The following APLP2 variants were observed in gnomAD, a reference collection of about 807,000 sequenced individuals.
APLP2 encodes CDEI box-binding protein.
A neutral mutation model predicts 89.9 loss-of-function variants in APLP2; 53 were observed. The ratio of observed to expected loss-of-function variants is 0.59; its 90% confidence interval spans 0.47 to 0.74. The LOEUF (loss-of-function observed/expected upper bound fraction) is 0.74. Among genes scored for constraint, APLP2 ranks in the 30% least tolerant of loss-of-function variants. APLP2 has a pLI of 0.00. For synonymous variants in APLP2, 372 were observed against 348.6 expected (o/e 1.07, Z -0.75); for missense variants, 973 against 975.9 (o/e 1.00, Z 0.04).
intron 13 of APLP2, 60 bp downstream of exon 13, chr11:130,135,775 G>A: frequency 1.3e-6 from 2 of 1,595,142 alleles, no homozygotes; most frequent in Non-Finnish European, 1.7e-6. Context: ...TGAGAGAATT[G>A]AAGTCAGTTT....
chr11:130,098,293 T>C (rs1187197252), intron 1 of APLP2, among the ~76,000 whole-genome samples: 1 of 151,610 alleles, frequency 6.6e-6, no homozygotes, highest in Non-Finnish European at 1.5e-5. Flanking sequence ...TAATCCCAGC[T>C]ACTTGGGAGG....
chr11:130,089,766 G>A (rs1364752882), intron 1 of APLP2, among the ~76,000 whole-genome samples: 1 of 152,234 alleles, frequency 6.6e-6, no homozygotes, highest in Non-Finnish European at 1.5e-5. Flanking sequence ...CCTGTTCCAG[G>A]CCTCGCTCTT....
Position 130,123,679 on chromosome 11 carries a change from C to A in APLP2, c.990C>A (p.Leu330=). Residue 330 remains leucine, a synonymous_variant, in exon 7 of 17, where the codon CTC becomes CTA. Coordinates refer to ENST00000338167, the MANE Select transcript of APLP2 (RefSeq NM_001142276.2). This position sits in a 1 kb window ranked among gnomAD's most constrained non-coding sequence, Gnocchi z 4.0. ...RAVMPRWYFD[L]SKGKCVRFIY... is the part of the protein sequence containing the mutation. ...TGATGCCTCGTTGGTACTTCGACCT[C>A]TCCAAGGGAAAGTGCGTGCGCTTTA... 1 of 1,614,294 alleles carries A rather than the reference C, an allele frequency of 6.2e-7. No individual in the cohort carries two copies. Among genetic ancestry groups the A allele is most frequent in the Non-Finnish European group, 8.5e-7 (1 of 1,180,052 alleles).
At chr11:130,121,464 ATT>A in intron 4 of APLP2, 148 bp from the exon 5 acceptor site, 1 of 992,486 alleles carries the variant, frequency 1.0e-6, no homozygotes, top group African/African-American at 1.7e-5. Context: ...TATTATTACA[ATT>A]TTTTTTTGAC....
chr11:130,093,521 AAAAG>A (rs1156354548), intron 1 of APLP2, among the ~76,000 whole-genome samples: 2 of 152,226 alleles, frequency 1.3e-5, no homozygotes, highest in Non-Finnish European at 2.9e-5. Context: ...GGAGAAAACA[AAAAG>A]AAACTAGAAA....
Position 130,133,632 on chromosome 11 carries a change from A to G in APLP2, c.1588A>G (p.Met530Val), listed in dbSNP as rs551299879. 179 of 1,613,548 alleles carry G rather than the reference A, an allele frequency of 1.1e-4. 3 individuals are homozygous for G. The South Asian group carries it at 1.9e-3, about 17-fold the overall frequency. ...EKAAQMKSQV[M>V]THLHVIEERR... is the part of the protein sequence containing the mutation. The stretch of plus-strand genomic sequence containing the variant: ...TCCACCATAACTCTGCTTCCAGGTG[A>G]TGACACATCTCCACGTGATTGAAGA... Residue 530 changes from methionine to valine, a missense_variant, in exon 12 of 17, where the codon ATG becomes GTG. Coordinates refer to ENST00000338167, the MANE Select transcript of APLP2 (RefSeq NM_001142276.2).
rs746653068 is a variant in APLP2, at chr11:130,141,577, G to A, written c.1998+5G>A. 10 of 1,613,010 alleles carry A rather than the reference G, an allele frequency of 6.2e-6. No individual in the cohort carries two copies. Among genetic ancestry groups the A allele is most frequent in the East Asian group, 2.2e-5 (1 of 44,846 alleles). ...GGAGGCCTCGAGGAAGAGCGGGTAC[G>A]TGTTTAGCTCCAGAACCTAAGGTTT... is the stretch of plus-strand genomic sequence containing the variant. On this transcript the variant is annotated splice_donor_5th_base_variant and intron_variant, in intron 15 of 16. Coordinates refer to ENST00000338167, the MANE Select transcript of APLP2 (RefSeq NM_001142276.2). This position sits in a 1 kb window ranked among gnomAD's most constrained non-coding sequence, Gnocchi z 4.2.
At chr11:130,081,197 C>T (rs1333529063) in intron 1 of APLP2, among the ~76,000 whole-genome samples, 2 of 152,118 alleles carry the variant, frequency 1.3e-5, no homozygotes, top group African/African-American at 4.8e-5. Flanking sequence ...CAGGTCATTA[C>T]ATATTTTGTA....
At chr11:130,080,718 A>G (rs1454469155) in intron 1 of APLP2, among the ~76,000 whole-genome samples, 2 of 129,978 alleles carry the variant, frequency 1.5e-5, no homozygotes, top group Admixed American at 8.2e-5. Context: ...TTTTTTTGAG[A>G]TGGAGTCTTG....
chr11:130,139,433 G>C (rs1029212434), intron 13 of APLP2: 1 of 152,208 alleles, frequency 6.6e-6, no homozygotes, highest in Non-Finnish European at 1.5e-5. Flanking sequence ...GGTTGATCCA[G>C]TTATAAAAGG....
At chr11:130,076,475 G>T (rs188470497) in intron 1 of APLP2, among the ~76,000 whole-genome samples, 2 of 152,142 alleles carry the variant, frequency 1.3e-5, no homozygotes, top group African/African-American at 2.4e-5. Context: ...AAGAAGTTAC[G>T]GTTCCCTGTA....
At chr11:130,096,723 A>C (rs1946253820) in intron 1 of APLP2, among the ~76,000 whole-genome samples, 1 of 152,176 alleles carries the variant, frequency 6.6e-6, no homozygotes, top group Admixed American at 6.5e-5. Flanking sequence ...GTCTCTAAAA[A>C]ATACCAAAAA....
intron 1 of APLP2, chr11:130,070,777 G>T: frequency 7.2e-7 from 1 of 1,387,930 alleles, no homozygotes; most frequent in Non-Finnish European, 9.4e-7. Flanking sequence ...GAGGGTTTCA[G>T]TGAGTAGGGA....
chr11:130,082,996 A>G (rs1943449248), intron 1 of APLP2, among the ~76,000 whole-genome samples: 1 of 150,530 alleles, frequency 6.6e-6, no homozygotes, highest in Middle Eastern at 3.5e-3. Context: ...GTACATAACA[A>G]AATATATTAA....
At chr11:130,078,600 C>T (rs1297188493) in intron 1 of APLP2, among the ~76,000 whole-genome samples, 5 of 151,794 alleles carry the variant, frequency 3.3e-5, no homozygotes, top group African/African-American at 1.2e-4. Flanking sequence ...TATTTTTTTG[C>T]CTTTCGCTTT....
chr11:130,133,852 C>G, intron 12 of APLP2, 124 bp downstream of exon 12: 1 of 707,858 alleles, frequency 1.4e-6, no homozygotes, highest in South Asian at 1.7e-5. Context: ...TTAGCACATC[C>G]TGGCTTCAGA....
chr11:130,103,305 TTCTTGAGAG>T (rs1233930048), intron 1 of APLP2, among the ~76,000 whole-genome samples: 1 of 152,184 alleles, frequency 6.6e-6, no homozygotes, highest in East Asian at 1.9e-4. Context: ...CGATGATACC[TTCTTGAGAG>T]TCTCTTAAGA....
In APLP2 at chr11:130,133,668, C is replaced by A. The variant is rs918061797; in HGVS notation, c.1624C>A (p.Gln542Lys). The change falls in exon 12 of 17, where the codon CAA (glutamine) becomes AAA (lysine). Residue 542 changes from glutamine to lysine, a missense_variant. Transcript: ENST00000338167. ...CCACGTGATTGAAGAAAGGAGGAAC[C>A]AAAGCCTCTCTCTGCTCTACAAAGT... ...HLHVIEERRN[Q>K]SLSLLYKVPY... The A allele has an allele frequency of 6.2e-7, 1 of 1,614,114 alleles. No homozygotes were observed. Among genetic ancestry groups the A allele is most frequent in the African/African-American group, 1.3e-5 (1 of 75,038 alleles).
At position 130,071,233 on chromosome 11, in the gene APLP2, T is replaced by G. The variant is rs374914102; in HGVS notation, c.105+1151T>G. Reference sequence around the variant, plus strand: ...TTAAAGACCTCAGGTTTAGAATATATTTACTTCTACAGAATGTTCAAGTAT... The same window carrying G: ...TTAAAGACCTCAGGTTTAGAATATAGTTACTTCTACAGAATGTTCAAGTAT... On this transcript the variant is annotated intron_variant, in intron 1 of 16. Coordinates refer to ENST00000338167, the MANE Select transcript of APLP2 (RefSeq NM_001142276.2). Among the ~76,000 whole-genome samples, 17 of 152,348 alleles carry G rather than the reference T, an allele frequency of 1.1e-4. No homozygotes were observed. The East Asian group carries it at 1.4e-3, about 12-fold the overall frequency.
Sources: gnomAD v4.1 joint callset for allele counts (sites outside exome capture counted in the v4.1 genomes callset) on GRCh38, gnomAD v4.1.1 for gene constraint, Gnocchi (gnomAD v3.1) non-coding constraint, MANE v1.5 for transcripts, NCBI Gene and HGNC (gene_info 2026-07-23, HGNC 2026-07-21) for gene names.